BTBD2: variants seen among roughly 807,000 people sequenced by gnomAD.
The protein encoded by BTBD2 is BTB domain containing 2.
A neutral mutation model predicts 44.0 loss-of-function variants in BTBD2; 15 were observed. The observed-to-expected ratio is 0.34, with a 90% CI of 0.23 to 0.53. The LOEUF (loss-of-function observed/expected upper bound fraction) is 0.53, where lower values mean the gene tolerates loss of function less well. Among genes scored for constraint, BTBD2 ranks in the 20% least tolerant of loss-of-function variants. The pLI, the probability that BTBD2 is intolerant of heterozygous loss-of-function variation, is 0.95. For synonymous variants in BTBD2, 443 were observed against 335.9 expected, an observed-to-expected ratio of 1.32 and a Z score of -3.49; for missense variants, 657 against 746.4, an observed-to-expected ratio of 0.88 and a Z score of 1.39.
At chr19:2,004,007 G>A (rs1435313484) in intron 1 of BTBD2, among the ~76,000 whole-genome samples, 3 of 151,664 alleles carry the variant, frequency 2.0e-5, no homozygotes, top group Admixed American at 2.0e-4. Flanking sequence ...CCATCCCTCC[G>A]CTCACCGAGA....
At chr19:2,012,003 C>T (rs1319791731) in intron 1 of BTBD2, among the ~76,000 whole-genome samples, 3 of 151,962 alleles carry the variant, frequency 2.0e-5, no homozygotes, top group Non-Finnish European at 4.4e-5. Context: ...TACAGTTGTG[C>T]ACCACCACAC....
rs577664711 is a variant in BTBD2 at position 2,009,797 on chromosome 19, C to G, written c.407+5500G>C. On this transcript the variant is annotated intron_variant, in intron 1 of 8. Transcript: ENST00000255608. ...CCAGGGAGCTGAAGGCTGCAGCATG[C>G]GGAGATCACGCCACTGTACCCCAGC... Among the ~76,000 whole-genome samples, 4 of 152,170 alleles carry G rather than the reference C, an allele frequency of 2.6e-5. No homozygotes were observed. The East Asian group carries it at 7.7e-4, about 29-fold the overall frequency.
At chr19:2,000,452 T>C (rs2016314614) in intron 1 of BTBD2, among the ~76,000 whole-genome samples, 1 of 152,236 alleles carries the variant, frequency 6.6e-6, no homozygotes, top group African/African-American at 2.4e-5. Flanking sequence ...GGCACTCAAG[T>C]GGGCCCGGCG....
chr19:2,010,064 A>C (rs1393922279), intron 1 of BTBD2, among the ~76,000 whole-genome samples: 2 of 152,098 alleles, frequency 1.3e-5, no homozygotes, highest in Non-Finnish European at 1.5e-5. Context: ...AGGCAGGAGA[A>C]TGGCATGAAC....
In BTBD2 at chr19:1,986,556, C is replaced by G. The variant is rs1042017862; in HGVS notation, c.1510G>C (p.Ala504Pro). The G allele has an allele frequency of 6.2e-7, 1 of 1,614,072 alleles. No homozygotes were observed. The highest frequency in any genetic ancestry group is 8.5e-7 in the Non-Finnish European group (1 of 1,179,958). Residue 504 changes from alanine to proline, a missense_variant, in exon 9 of 9, where the codon GCG (alanine) becomes CCG (proline). By Grantham distance (27) the Ala-to-Pro change is conservative. Transcript: ENST00000255608. ...GAKTCFTFCY[A>P]AGNNNGTSVE... ...GATGTGCCATTGTTGTTCCCGGCCG[C>G]GTAGCAAAAGGTGAAGCAGGTCTTG...
intron 1 of BTBD2, among the ~76,000 whole-genome samples, chr19:1,998,537 T>TCAGTGGGG (rs1365461353): frequency 6.6e-6 from 1 of 152,154 alleles, no homozygotes; most frequent in Non-Finnish European, 1.5e-5. Context: ...TGGGGCCCAC[T>TCAGTGGGG]CAGTGGCTCA....
In BTBD2 at chr19:1,992,832, A is replaced by C. The variant is rs1599350410; in HGVS notation, c.684+188T>G. 2.0e-5 allele frequency among the ~76,000 whole-genome samples: 3 copies of C among 152,264 alleles called. No individual in the cohort carries two copies. The East Asian group carries it at 5.8e-4, about 29-fold the overall frequency. ...GGTGATCTGCCCGCCTCGGCCTCCC[A>C]AAGTGCCGGGATTACAGGCGTGAGC... On this transcript the variant is annotated intron_variant, in intron 3 of 8. Coordinates refer to ENST00000255608, the MANE Select transcript of BTBD2 (RefSeq NM_017797.4).
At position 1,990,260 on chromosome 19, in the gene BTBD2, G is replaced by A. The variant is rs2016155960; in HGVS notation, c.791-59C>T. On this transcript the variant is annotated intron_variant, in intron 4 of 8. Transcript: ENST00000255608. ...ACACCCACATGCCCACCCTGCAGGA[G>A]GCAGTGAGACTAACGTGAGGACCAG... 5.0e-5 allele frequency: 77 copies of A among 1,529,416 alleles called. 1 individual carries two copies. In the South Asian group the frequency reaches 8.1e-4, roughly 16 times the overall value. 94.7% of individuals were successfully genotyped at this position (1,529,416 alleles called of 1,614,324 possible). A position where few individuals can be genotyped will look rare whatever the true frequency, so the allele number is the denominator to read the frequency against.
intron 3 of BTBD2, 77 bp from the exon 4 acceptor site, chr19:1,990,899 GT>G (rs2016168146): frequency 1.5e-6 from 2 of 1,317,592 alleles, no homozygotes; most frequent in African/African-American, 2.9e-5. Flanking sequence ...TGCGGGGCCG[GT>G]TCAAATGCAG....
chr19:1,990,887 A>C (rs1254891283), intron 3 of BTBD2, 65 bp from the exon 4 acceptor site: 2 of 1,413,646 alleles, frequency 1.4e-6, no homozygotes, highest in Non-Finnish European at 1.9e-6. Flanking sequence ...GCAGATCCCC[A>C]GTGCGGGGCC....
At chr19:1,992,580 CT>C (rs143601485) in intron 3 of BTBD2, among the ~76,000 whole-genome samples, 1 of 150,522 alleles carries the variant, frequency 6.6e-6, no homozygotes, top group African/African-American at 2.4e-5. Flanking sequence ...CAAAACACAT[CT>C]TTTTTTTTCA....
At chr19:1,995,139 TG>T (rs1426299522) in intron 2 of BTBD2, among the ~76,000 whole-genome samples, 2 of 151,970 alleles carry the variant, frequency 1.3e-5, no homozygotes, top group African/African-American at 4.8e-5. Flanking sequence ...AGCTAATTTT[TG>T]TATGTTTGTA....
rs1165441041 is a variant in BTBD2, at chr19:1,986,330, C to T, written c.*158G>A. On this transcript the variant is annotated 3_prime_UTR_variant, in exon 9 of 9. Transcript: ENST00000255608. ...AGCCACACTCGTGGTGAACACAGGG[C>T]AACCCCGTCCTGATGCTGAGAAAGG... 2.1e-6 allele frequency: 2 copies of T among 951,672 alleles called. No individual in the cohort carries two copies. Among genetic ancestry groups the T allele is most frequent in the Non-Finnish European group, 3.1e-6 (2 of 637,526 alleles). 59.0% of individuals were successfully genotyped at this position (951,672 alleles called of 1,614,324 possible).
In BTBD2 at chr19:2,015,194, G is replaced by A. The variant is rs548143609; in HGVS notation, c.407+103C>T. Reference sequence around the variant, plus strand: ...GGGTGCAGGGCTCGGGGATGGAGGGGTGCGGGGGTCTCGGGGACAGAGGGG... The same window carrying A: ...GGGTGCAGGGCTCGGGGATGGAGGGATGCGGGGGTCTCGGGGACAGAGGGG... On this transcript the variant is annotated intron_variant, in intron 1 of 8. Coordinates refer to ENST00000255608, the MANE Select transcript of BTBD2 (RefSeq NM_017797.4). 4.3e-6 allele frequency: 6 copies of A among 1,395,838 alleles called. No homozygotes were observed. The African/African-American group carries it at 6.1e-5, about 14-fold the overall frequency. 86.5% of individuals were successfully genotyped at this position (1,395,838 alleles called of 1,614,324 possible). A position where few individuals can be genotyped will look rare whatever the true frequency, so the allele number is the denominator to read the frequency against.
Position 1,985,869 on chromosome 19 carries a change from G to C in BTBD2, c.*619C>G, listed in dbSNP as rs1295305744. ...GCAAACCGCTCACCACCTGGGCCAGGGCTAGGCCTATCCGGCAGGGGCCGT... is the reference window on the plus strand; with the variant it reads ...GCAAACCGCTCACCACCTGGGCCAGCGCTAGGCCTATCCGGCAGGGGCCGT... On this transcript the variant is annotated 3_prime_UTR_variant, in exon 9 of 9. Transcript: ENST00000255608. The C allele has an allele frequency of 1.3e-5, 2 of 153,596 alleles. No individual in the cohort carries two copies. The highest frequency in any genetic ancestry group is 2.4e-5 in the African/African-American group (1 of 41,456). The allele number at this position is 153,596 out of a possible 1,614,324, so 9.5% of individuals were successfully genotyped here.
Position 1,987,058 on chromosome 19 carries a change from G to A in BTBD2, c.1270-82C>T, listed in dbSNP as rs935048581. On this transcript the variant is annotated intron_variant, in intron 7 of 8. Transcript: ENST00000255608. Reference sequence around the variant, plus strand: ...TCGAGGCCCAGCCCACCTGCCCAGGGTGGGGGCAGCACAGGGACCAGGGCC... The same window carrying A: ...TCGAGGCCCAGCCCACCTGCCCAGGATGGGGGCAGCACAGGGACCAGGGCC... 3.1e-6 allele frequency: 5 copies of A among 1,591,022 alleles called. No individual in the cohort carries two copies. In the African/African-American group the frequency reaches 4.0e-5, roughly 13 times the overall value.
At chr19:2,010,784 G>A (rs1057474121) in intron 1 of BTBD2, among the ~76,000 whole-genome samples, 9 of 152,234 alleles carry the variant, frequency 5.9e-5, no homozygotes, top group Middle Eastern at 3.4e-3. Context: ...GATTACAGGT[G>A]CGTGCCACCG....
intron 1 of BTBD2, among the ~76,000 whole-genome samples, chr19:2,011,209 C>A (rs762113000): frequency 6.6e-6 from 1 of 152,084 alleles, no homozygotes; most frequent in Non-Finnish European, 1.5e-5. Flanking sequence ...CACAGCCCCC[C>A]ACGCCCTCAC....
chr19:1,988,561 GTTAACAA>G (rs1187075759), intron 5 of BTBD2: 1 of 148,104 alleles, frequency 6.8e-6, no homozygotes, highest in Non-Finnish European at 1.5e-5. Flanking sequence ...AATAAACAAT[GTTAACAA>G]TTTTTTTTTT....
Sources: gnomAD v4.1 joint callset for allele counts (sites outside exome capture counted in the v4.1 genomes callset) on GRCh38, gnomAD v4.1.1 for gene constraint, MANE v1.5 for transcripts, NCBI Gene and HGNC (gene_info 2026-07-23, HGNC 2026-07-21) for gene names.